BCL2L11: variants seen among roughly 807,000 people sequenced by gnomAD.
BCL2L11 encodes the protein BCL2 like 11, also known as bcl-2-like protein 11.
In BCL2L11, 15 loss-of-function variants were observed where a neutral mutation model predicts 20.6. The observed-to-expected ratio is 0.73, with a 90% CI of 0.49 to 1.12. BCL2L11 has a LOEUF of 1.12. Among genes scored for constraint, BCL2L11 ranks in the 50% most tolerant of loss-of-function variants. BCL2L11 has a pLI of 0.00. For synonymous variants in BCL2L11, 108 were observed against 92.8 expected (o/e 1.16, Z -0.94); for missense variants, 292 against 260.9 (o/e 1.12, Z -0.82).
rs879726911 is a variant in BCL2L11 at position 111,120,982 on chromosome 2, C to CGCTGCCGCTGCCGCTGCCGCT, written c.-218_-217insTGCCGCTGCCGCTGCCGCTGC. ...CTGCGTCCAGCGCCGCTGCCGCTGC[C>CGCTGCCGCTGCCGCTGCCGCT]GCCGCCGCCGCCGCCGCCGCCGCCG... On this transcript the variant is annotated 5_prime_UTR_variant, in exon 1 of 4. Transcript: ENST00000393256. 1 of 33,376 alleles carries CGCTGCCGCTGCCGCTGCCGCT rather than the reference C, an allele frequency of 3.0e-5. No individual in the cohort carries two copies. The highest frequency in any genetic ancestry group is 4.9e-5 in the Non-Finnish European group (1 of 20,404). 2.1% of individuals were successfully genotyped at this position (33,376 alleles called of 1,614,324 possible).
chr2:111,143,888 C>T (rs541365271), intron 2 of BCL2L11, among the ~76,000 whole-genome samples: 23 of 152,214 alleles, frequency 1.5e-4, no homozygotes, highest in African/African-American at 5.5e-4. Context: ...ATCTTAATGT[C>T]TTTAGACTTG....
At chr2:111,136,584 C>T (rs1191696570) in intron 2 of BCL2L11, among the ~76,000 whole-genome samples, 2 of 152,164 alleles carry the variant, frequency 1.3e-5, no homozygotes, top group Non-Finnish European at 2.9e-5. Flanking sequence ...GTTTATTTCT[C>T]ACAATTCTGG....
intron 2 of BCL2L11, among the ~76,000 whole-genome samples, chr2:111,137,633 CTTT>C (rs575699231): frequency 9.0e-5 from 12 of 132,912 alleles, no homozygotes; most frequent in African/African-American, 1.7e-4. Flanking sequence ...TTCCTCCCCA[CTTT>C]TTTTTTTTTT....
intron 1 of BCL2L11, chr2:111,122,963 T>G (rs1033928564): frequency 1.0e-6 from 1 of 984,924 alleles, no homozygotes; most frequent in African/African-American, 1.8e-5. Context: ...GGAGGGTCTG[T>G]GGGATGAAGG....
At chr2:111,161,282 G>C in intron 3 of BCL2L11, 2 of 1,078,960 alleles carry the variant, frequency 1.9e-6, no homozygotes, top group Non-Finnish European at 1.4e-6. Flanking sequence ...AGTTTCAGGA[G>C]GGAGTGGAGC....
intron 3 of BCL2L11, among the ~76,000 whole-genome samples, chr2:111,159,171 G>A (rs919442634): frequency 5.3e-5 from 8 of 152,230 alleles, no homozygotes; most frequent in Admixed American, 2.6e-4. Flanking sequence ...CAGGGTGTGC[G>A]AGGAGGGAAG....
rs1553483246 is a variant in BCL2L11, at chr2:111,120,982, C to CGCCGCCGCCGCCGCT, written c.-206_-205insTGCCGCCGCCGCCGC. 1.8e-4 allele frequency: 6 copies of CGCCGCCGCCGCCGCT among 33,398 alleles called. No homozygotes were observed. The highest frequency in any genetic ancestry group is 5.7e-4 in the Admixed American group (1 of 1,748). 2.1% of individuals were successfully genotyped at this position (33,398 alleles called of 1,614,324 possible). ...CTGCGTCCAGCGCCGCTGCCGCTGC[C>CGCCGCCGCCGCCGCT]GCCGCCGCCGCCGCCGCCGCCGCCG... On this transcript the variant is annotated 5_prime_UTR_variant, in exon 1 of 4. Transcript: ENST00000393256.
chr2:111,138,014 T>TTC (rs1211102432), intron 2 of BCL2L11, among the ~76,000 whole-genome samples: 2 of 53,964 alleles, frequency 3.7e-5, no homozygotes, highest in African/African-American at 1.1e-4. Flanking sequence ...CTTTCTTTCT[T>TTC]TTTTTTTTTT....
intron 3 of BCL2L11, 65 bp from the exon 4 acceptor site, chr2:111,164,068 G>T: frequency 1.1e-6 from 1 of 894,162 alleles, no homozygotes; most frequent in Non-Finnish European, 1.9e-6. Context: ...CTTAAATATG[G>T]GCTCCCACCC....
intron 2 of BCL2L11, among the ~76,000 whole-genome samples, chr2:111,127,127 G>A (rs1430642818): frequency 1.3e-5 from 2 of 152,044 alleles, no homozygotes; most frequent in African/African-American, 4.8e-5. Flanking sequence ...CACTCTGGGA[G>A]GATTAACTTG....
At chr2:111,125,020 C>A (rs1033137743) in intron 2 of BCL2L11, among the ~76,000 whole-genome samples, 5 of 152,182 alleles carry the variant, frequency 3.3e-5, no homozygotes, top group African/African-American at 4.8e-5. Context: ...CAGAGGCCCA[C>A]AGCAAAATCA....
intron 2 of BCL2L11, among the ~76,000 whole-genome samples, chr2:111,126,718 C>G (rs928764649): frequency 1.3e-5 from 2 of 152,164 alleles, no homozygotes; most frequent in African/African-American, 4.8e-5. Flanking sequence ...CTTTACTCAA[C>G]CCTATCCATG....
chr2:111,144,884 C>G (rs2076297589), intron 2 of BCL2L11, among the ~76,000 whole-genome samples: 1 of 152,222 alleles, frequency 6.6e-6, no homozygotes, highest in South Asian at 2.1e-4. Flanking sequence ...GAAGGACAGG[C>G]CTTCTTTCTC....
intron 3 of BCL2L11, among the ~76,000 whole-genome samples, chr2:111,155,461 G>A (rs1489154642): frequency 6.6e-6 from 1 of 152,180 alleles, no homozygotes; most frequent in African/African-American, 2.4e-5. Context: ...TACTTGGGTG[G>A]GAGTCTTGAC....
Position 111,124,016 on chromosome 2 carries a change from C to T in BCL2L11, c.271C>T (p.Arg91Ter). 1 of 1,614,232 alleles carries T rather than the reference C, an allele frequency of 6.2e-7. No homozygotes were observed. The highest frequency in any genetic ancestry group is 1.7e-4 in the Middle Eastern group (1 of 6,058). ...IFMRRSSLLS[R>*]SSSGYFSFDT... Reference sequence around the variant, plus strand: ...TATGAGAAGATCCTCCCTGCTGTCTCGATCCTCCAGTGGGTATTTCTCTTT... The same window carrying T: ...TATGAGAAGATCCTCCCTGCTGTCTTGATCCTCCAGTGGGTATTTCTCTTT... The change falls in exon 2 of 4, where the codon CGA becomes TGA. Residue 91 changes from arginine (R) to a stop codon, truncating the protein, a stop_gained. Transcript: ENST00000393256. LOFTEE classifies it high-confidence loss of function.
intron 3 of BCL2L11, among the ~76,000 whole-genome samples, chr2:111,163,626 C>T (rs2150604680): frequency 6.6e-6 from 1 of 152,230 alleles, no homozygotes; most frequent in South Asian, 2.1e-4. Context: ...GGGCACCCCT[C>T]TGGGTCACGG....
chr2:111,157,894 G>C lies in BCL2L11; in HGVS notation c.499-6239G>C, dbSNP rs56405634. ...TAGGGGAGAGTGCTCTCCTGGTTTG[G>C]GGTGAAGGTACCATGCATCTGGGAG... is the stretch of plus-strand genomic sequence containing the variant. On this transcript the variant is annotated intron_variant, in intron 3 of 3. Transcript: ENST00000393256. Among the ~76,000 whole-genome samples the C allele has an allele frequency of 3.7e-3, 557 of 152,284 alleles. 3 individuals are homozygous for C. Among genetic ancestry groups the C allele is most frequent in the African/African-American group, 0.013 (533 of 41,546 alleles).
chr2:111,125,655 C>T (rs893354634), intron 2 of BCL2L11, among the ~76,000 whole-genome samples: 1 of 152,118 alleles, frequency 6.6e-6, no homozygotes, highest in African/African-American at 2.4e-5. Flanking sequence ...TGGAAAGAAC[C>T]TCAGAGTGGT....
At chr2:111,124,867 T>C (rs899943954) in intron 2 of BCL2L11, among the ~76,000 whole-genome samples, 1 of 152,078 alleles carries the variant, frequency 6.6e-6, no homozygotes, top group Non-Finnish European at 1.5e-5. Flanking sequence ...ATGAAAATGG[T>C]TTGTTTTCTG....
Sources: gnomAD v4.1 joint callset for allele counts (sites outside exome capture counted in the v4.1 genomes callset) on GRCh38, gnomAD v4.1.1 for gene constraint, MANE v1.5 for transcripts, NCBI Gene and HGNC (gene_info 2026-07-23, HGNC 2026-07-21) for gene names.